Variants in PAPPA observed in about 807,000 individuals in gnomAD.
PAPPA encodes pappalysin 1.
PAPPA carries 60 observed loss-of-function variants against 164.0 expected under a neutral mutation model. The observed-to-expected ratio is 0.37, with a 90% CI of 0.30 to 0.45. The LOEUF (loss-of-function observed/expected upper bound fraction) is 0.45. PAPPA is among the 20% of genes least tolerant of loss of function. PAPPA has a pLI of 1.00. For synonymous variants in PAPPA, 875 were observed against 814.1 expected (o/e 1.07, Z -1.27); for missense variants, 1,782 against 2,087.3 (o/e 0.85, Z 2.85).
chr9:116,192,785 T>C (rs1844059296), intron 2 of PAPPA, among the ~76,000 whole-genome samples: 1 of 152,218 alleles, frequency 6.6e-6, no homozygotes, highest in African/African-American at 2.4e-5. Flanking sequence ...TAGAGATGTC[T>C]CCACGCAGGT....
intron 1 of PAPPA, among the ~76,000 whole-genome samples, chr9:116,184,166 A>G (rs966279894): frequency 4.6e-5 from 7 of 152,196 alleles, no homozygotes; most frequent in Non-Finnish European, 8.8e-5. Context: ...GAAGGACATG[A>G]ATGTCATGGC....
chr9:116,216,595 A>G (rs1452520934), intron 4 of PAPPA, among the ~76,000 whole-genome samples: 1 of 152,204 alleles, frequency 6.6e-6, no homozygotes, highest in Non-Finnish European at 1.5e-5. Flanking sequence ...GGGGGGAAAG[A>G]AGCCAAGTGG....
intron 18 of PAPPA, among the ~76,000 whole-genome samples, chr9:116,363,245 T>C (rs1846453463): frequency 6.6e-6 from 1 of 152,172 alleles, no homozygotes; most frequent in Admixed American, 6.5e-5. Context: ...AAAGGCATTA[T>C]ATCTTATCCT....
chr9:116,274,281 C>A (rs1845171794), intron 9 of PAPPA, among the ~76,000 whole-genome samples: 1 of 152,192 alleles, frequency 6.6e-6, no homozygotes, highest in Non-Finnish European at 1.5e-5. Context: ...TCAGCTACGC[C>A]CTTCACTGGC....
intron 7 of PAPPA, among the ~76,000 whole-genome samples, chr9:116,264,449 C>T (rs1452290086): frequency 6.6e-6 from 1 of 152,196 alleles, no homozygotes; most frequent in African/African-American, 2.4e-5. Flanking sequence ...TGGGGTAATA[C>T]ATCCAACATT....
At chr9:116,194,730 G>A (rs1462988063) in intron 2 of PAPPA, among the ~76,000 whole-genome samples, 1 of 152,142 alleles carries the variant, frequency 6.6e-6, no homozygotes, top group Non-Finnish European at 1.5e-5. Context: ...CTGGCACATG[G>A]TAGGTGATGG....
chr9:116,379,132 G>C (rs1450815999), intron 20 of PAPPA, among the ~76,000 whole-genome samples: 1 of 152,200 alleles, frequency 6.6e-6, no homozygotes, highest in East Asian at 1.9e-4. Flanking sequence ...CTTGGACTCA[G>C]CAGTGAGACC....
intron 5 of PAPPA, among the ~76,000 whole-genome samples, chr9:116,221,547 T>C (rs1420438535): frequency 6.6e-6 from 1 of 152,112 alleles, no homozygotes; most frequent in African/African-American, 2.4e-5. Flanking sequence ...ATCTGCTAGA[T>C]AAAAAGAGAA....
intron 9 of PAPPA, among the ~76,000 whole-genome samples, chr9:116,289,195 A>AT (rs1564212132): frequency 4.3e-5 from 1 of 23,004 alleles, no homozygotes; most frequent in Non-Finnish European, 8.9e-5. Flanking sequence ...GCATATATAT[A>AT]GCATATATAT....
At chr9:116,364,773 G>A (rs1846477717) in intron 18 of PAPPA, among the ~76,000 whole-genome samples, 1 of 152,164 alleles carries the variant, frequency 6.6e-6, no homozygotes, top group Non-Finnish European at 1.5e-5. Context: ...GGAAGGGGTG[G>A]GAGGGTGGTA....
At chr9:116,373,334 A>C (rs1846600918) in intron 19 of PAPPA, 1 of 152,186 alleles carries the variant, frequency 6.6e-6, no homozygotes, top group African/African-American at 2.4e-5. Context: ...AAACACTAGG[A>C]ATACGAAGTG....
Position 116,398,619 on chromosome 9 carries a change from A to C in PAPPA, c.*2003A>C. 2.9e-6 allele frequency: 3 copies of C among 1,044,402 alleles called. No homozygotes were observed. The highest frequency in any genetic ancestry group is 3.9e-6 in the Non-Finnish European group (3 of 764,914). 64.7% of individuals were successfully genotyped at this position (1,044,402 alleles called of 1,614,324 possible). A position where few individuals can be genotyped will look rare whatever the true frequency, so the allele number is the denominator to read the frequency against. On this transcript the variant is annotated 3_prime_UTR_variant, in exon 22 of 22. Coordinates refer to ENST00000328252, the MANE Select transcript of PAPPA (RefSeq NM_002581.5). ...TCTGGCCAATTACACTAAGAAACAT[A>C]TCAAGGTGCTTTTGGCACAGGTGCC...
rs140310056 is a variant in PAPPA, at chr9:116,262,391, A to G, written c.2733-3466A>G. On this transcript the variant is annotated intron_variant, in intron 7 of 21. Coordinates refer to ENST00000328252, the MANE Select transcript of PAPPA (RefSeq NM_002581.5). The stretch of plus-strand genomic sequence containing the variant: ...TGGCATTCAGAATTTGATGTGAGAA[A>G]TCAGAAGTAGCCAAAATAATCACAT... Among the ~76,000 whole-genome samples, 282 of 152,330 alleles carry G rather than the reference A, an allele frequency of 1.9e-3. 7 individuals carry two copies. In the South Asian group the frequency reaches 0.04, roughly 22 times the overall value.
chr9:116,302,643 G>A, intron 9 of PAPPA, 114 bp from the exon 10 acceptor site: 6 of 753,590 alleles, frequency 8.0e-6, no homozygotes, highest in Non-Finnish European at 1.3e-5. Context: ...CTAATGTGAT[G>A]GGCTTGACAG....
chr9:116,353,234 A>C (rs957258214), intron 16 of PAPPA, among the ~76,000 whole-genome samples: 4 of 152,164 alleles, frequency 2.6e-5, no homozygotes, highest in African/African-American at 9.7e-5. Context: ...TGTTATGAAG[A>C]ACAAATGAAG....
chr9:116,197,057 G>A (rs530021321), intron 2 of PAPPA, among the ~76,000 whole-genome samples: 24 of 152,316 alleles, frequency 1.6e-4, no homozygotes, highest in African/African-American at 4.6e-4. Context: ...TTGGCCAAGC[G>A]TGAGGAAGGA....
chr9:116,161,891 G>A (rs1843668550), intron 1 of PAPPA, among the ~76,000 whole-genome samples: 1 of 152,116 alleles, frequency 6.6e-6, no homozygotes, highest in African/African-American at 2.4e-5. Context: ...AGAGCCACAG[G>A]AGGAAGTGAA....
In PAPPA at chr9:116,267,719, C is replaced by CA. The variant is rs563022247; in HGVS notation, c.2861+1740dup. 2.5e-3 allele frequency among the ~76,000 whole-genome samples: 371 copies of CA among 151,314 alleles called. 11 individuals are homozygous for CA. The East Asian group carries it at 0.052, about 21-fold the overall frequency. On this transcript the variant is annotated intron_variant, in intron 8 of 21. Coordinates refer to ENST00000328252, the MANE Select transcript of PAPPA (RefSeq NM_002581.5). ...AAACCCCGTCTCTACTAAAAAAATA[C>CA]AAAAAATTAGCCGGGCGCGGTGGCG...
chr9:116,189,126 A>C (rs1023535262), intron 2 of PAPPA, among the ~76,000 whole-genome samples: 3 of 152,216 alleles, frequency 2.0e-5, no homozygotes, highest in Non-Finnish European at 4.4e-5. Context: ...GAAGGATGTT[A>C]GAACAAATCT....
Sources: allele counts gnomAD v4.1 joint callset (sites outside exome capture counted in the v4.1 genomes callset), GRCh38; gene constraint gnomAD v4.1.1; transcripts MANE v1.5; gene names NCBI Gene and HGNC (gene_info 2026-07-23, HGNC 2026-07-21).